Variants in PRKN observed in about 807,000 individuals in gnomAD.
The protein encoded by PRKN is E3 ubiquitin-protein ligase parkin.
In PRKN, 56 loss-of-function variants were observed where a neutral mutation model predicts 59.5. The ratio of observed to expected loss-of-function variants is 0.94; its 90% CI spans 0.76 to 1.18. The LOEUF (loss-of-function observed/expected upper bound fraction) is 1.18, where lower values mean the gene tolerates loss of function less well. Ranked by LOEUF, PRKN falls within the 50% of genes most tolerant of loss-of-function variation. The probability of loss-of-function intolerance (pLI) is 0.00; values close to 1 mark genes in which losing one functional copy is unlikely to be tolerated. For synonymous variants in PRKN, 250 were observed against 222.1 expected (o/e 1.13, Z -1.12); for missense variants, 657 against 596.4 (o/e 1.10, Z -1.06).
intron 6 of PRKN, among the ~76,000 whole-genome samples, chr6:161,789,914 A>T (rs1336276180): frequency 6.7e-6 from 1 of 150,086 alleles, no homozygotes; most frequent in Non-Finnish European, 1.5e-5. Flanking sequence ...CATGTTGTTC[A>T]CTAAATTTCT....
chr6:161,367,738 G>A (rs1443623584), intron 10 of PRKN, among the ~76,000 whole-genome samples: 1 of 152,152 alleles, frequency 6.6e-6, no homozygotes, highest in Non-Finnish European at 1.5e-5. Context: ...GGCGGCCGGC[G>A]GGTCCGAGAC....
At position 161,574,804 on chromosome 6, in the gene PRKN, G is replaced by T. The variant is rs79162198; in HGVS notation, c.872-5388C>A. ...AAGGTTCTCCTTAAATTGTTATTCT[G>T]TCCTTTCTAACATGGGACATATTCT... On this transcript the variant is annotated intron_variant, in intron 7 of 11. Coordinates refer to ENST00000366898, the MANE Select transcript of PRKN (RefSeq NM_004562.3). 1.2e-4 allele frequency among the ~76,000 whole-genome samples: 18 copies of T among 152,194 alleles called. No individual in the cohort carries two copies. The East Asian group carries it at 2.9e-3, about 24-fold the overall frequency.
intron 1 of PRKN, among the ~76,000 whole-genome samples, chr6:162,682,117 A>G (rs1779794442): frequency 6.6e-6 from 1 of 152,188 alleles, no homozygotes; most frequent in Non-Finnish European, 1.5e-5. Flanking sequence ...TGAATCTACC[A>G]GAGATTTTCA....
In PRKN at chr6:162,073,888, GA is replaced by G. The variant is rs36083629; in HGVS notation, c.535-19715del. Among the ~76,000 whole-genome samples, 371 of 152,276 alleles carry G rather than the reference GA, an allele frequency of 2.4e-3. 2 individuals carry two copies. The highest frequency in any genetic ancestry group is 8.7e-3 in the South Asian group (42 of 4,820). ...ACCCACTCTGAGAAAATTATCACAA[GA>G]AAAAAGTCACATGGAGAAATGCAAA... On this transcript the variant is annotated intron_variant, in intron 4 of 11. Coordinates refer to ENST00000366898, the MANE Select transcript of PRKN (RefSeq NM_004562.3).
At chr6:161,646,453 G>C (rs1341258576) in intron 7 of PRKN, among the ~76,000 whole-genome samples, 2 of 115,640 alleles carry the variant, frequency 1.7e-5, no homozygotes, top group East Asian at 2.5e-4. Context: ...GGTGGAGGAG[G>C]CGGCGTATTA....
At chr6:162,111,053 G>C (rs552805416) in intron 4 of PRKN, among the ~76,000 whole-genome samples, 1 of 152,162 alleles carries the variant, frequency 6.6e-6, no homozygotes, top group Non-Finnish European at 1.5e-5. Context: ...AAGAAAAACA[G>C]ATGTCCACAG....
At chr6:161,366,539 G>A (rs181634478) in intron 10 of PRKN, among the ~76,000 whole-genome samples, 28 of 152,286 alleles carry the variant, frequency 1.8e-4, no homozygotes, top group Admixed American at 3.9e-4. Context: ...GAAGGACTCC[G>A]TACTTCTGTA....
intron 1 of PRKN, among the ~76,000 whole-genome samples, chr6:162,567,388 A>C (rs1470261703): frequency 6.6e-6 from 1 of 152,232 alleles, no homozygotes; most frequent in African/African-American, 2.4e-5. Flanking sequence ...TTCCACAAGA[A>C]ACCATTAGAA....
At chr6:162,449,782 C>G (rs1458274890) in intron 1 of PRKN, among the ~76,000 whole-genome samples, 2 of 152,094 alleles carry the variant, frequency 1.3e-5, no homozygotes, top group Non-Finnish European at 2.9e-5. Flanking sequence ...TTATTAAATG[C>G]TATCGGATCA....
intron 3 of PRKN, among the ~76,000 whole-genome samples, chr6:162,215,613 C>G (rs995819019): frequency 1.3e-5 from 2 of 152,050 alleles, no homozygotes; most frequent in Admixed American, 1.3e-4. Context: ...CCACCATGTT[C>G]GTGTCATCAT....
chr6:162,203,291 T>C (rs1784808252), intron 3 of PRKN, among the ~76,000 whole-genome samples: 1 of 152,148 alleles, frequency 6.6e-6, no homozygotes, highest in Non-Finnish European at 1.5e-5. Flanking sequence ...CCAATGTCTG[T>C]GCCCTAGAAG....
At chr6:161,801,579 A>T (rs1387298283) in intron 6 of PRKN, among the ~76,000 whole-genome samples, 3 of 152,220 alleles carry the variant, frequency 2.0e-5, no homozygotes, top group African/African-American at 7.2e-5. Context: ...CATCTGTCAA[A>T]CACAGTGGGC....
intron 6 of PRKN, among the ~76,000 whole-genome samples, chr6:161,878,369 C>T (rs921732875): frequency 2.0e-5 from 3 of 152,086 alleles, no homozygotes; most frequent in Non-Finnish European, 2.9e-5. Context: ...ATGCTTTAAG[C>T]GCCCCAGAAA....
At chr6:161,659,954 G>A (rs1784484961) in intron 7 of PRKN, among the ~76,000 whole-genome samples, 1 of 152,070 alleles carries the variant, frequency 6.6e-6, no homozygotes, top group South Asian at 2.1e-4. Context: ...AGGTAGGGAG[G>A]GGTACTGGTT....
At chr6:162,283,684 C>A (rs944040480) in intron 2 of PRKN, among the ~76,000 whole-genome samples, 7 of 152,292 alleles carry the variant, frequency 4.6e-5, no homozygotes, top group Middle Eastern at 3.4e-3. Flanking sequence ...TCACACCCAG[C>A]TAATTTTTGT....
chr6:161,996,686 T>C (rs1781857127), intron 5 of PRKN, among the ~76,000 whole-genome samples: 1 of 129,172 alleles, frequency 7.7e-6, no homozygotes, highest in South Asian at 2.1e-4. Context: ...ATTTCAATAC[T>C]TTTATATTTA....
At chr6:162,147,495 G>C (rs1301342362) in intron 4 of PRKN, among the ~76,000 whole-genome samples, 6 of 152,070 alleles carry the variant, frequency 3.9e-5, no homozygotes, top group African/African-American at 1.4e-4. Flanking sequence ...ACAGGAAAGG[G>C]ATTAGCAATG....
At chr6:162,224,461 A>G (rs1778076242) in intron 3 of PRKN, among the ~76,000 whole-genome samples, 1 of 152,160 alleles carries the variant, frequency 6.6e-6, no homozygotes, top group African/African-American at 2.4e-5. Context: ...TGTTCACACA[A>G]TGCCAAGATC....
In PRKN at chr6:162,500,874, AG is replaced by A. The variant is rs767874966; in HGVS notation, c.8-57402del. Among the ~76,000 whole-genome samples, 4 of 152,248 alleles carry A rather than the reference AG, an allele frequency of 2.6e-5. No individual in the cohort carries two copies. In the East Asian group the frequency reaches 7.7e-4, roughly 29 times the overall value. On this transcript the variant is annotated intron_variant, in intron 1 of 11. Coordinates refer to ENST00000366898, the MANE Select transcript of PRKN (RefSeq NM_004562.3). ...ATTAATTTTATTACTTACATAATAAAGATGTTTTAGGTTGGGTGCAGTGGTT... is the reference window on the plus strand; with the variant it reads ...ATTAATTTTATTACTTACATAATAAAATGTTTTAGGTTGGGTGCAGTGGTT...
Sources: gnomAD v4.1 joint callset for allele counts (sites outside exome capture counted in the v4.1 genomes callset) on GRCh38, gnomAD v4.1.1 for gene constraint, MANE v1.5 for transcripts, NCBI Gene and HGNC (gene_info 2026-07-23, HGNC 2026-07-21) for gene names.